The following DLGAP1 variants were observed in gnomAD, a reference collection of about 807,000 sequenced individuals.
DLGAP1 encodes DLG associated protein 1.
A neutral mutation model predicts 90.8 loss-of-function variants in DLGAP1; 11 were observed. The ratio of observed to expected loss-of-function variants is 0.12; its 90% CI spans 0.08 to 0.20. The LOEUF (loss-of-function observed/expected upper bound fraction) is 0.20, where lower values mean the gene tolerates loss of function less well. Ranked by LOEUF, DLGAP1 falls within the 10% of genes least tolerant of loss-of-function variation. DLGAP1 has a pLI of 1.00. For missense variants in DLGAP1, 1,050 were observed against 1,333.8 expected, an observed-to-expected ratio of 0.79 and a Z score of 3.31; for synonymous variants, 558 against 540.7, an observed-to-expected ratio of 1.03 and a Z score of -0.44.
In DLGAP1 at chr18:3,581,926, G is replaced by A. The variant is rs766896879; in HGVS notation, c.1914C>T (p.Asp638=). The A allele has an allele frequency of 6.2e-7, 1 of 1,614,176 alleles. No homozygotes were observed. The highest frequency in any genetic ancestry group is 1.3e-5 in the African/African-American group (1 of 75,038). ...TTTTCTTAAAGTGGTCCTTCTTCCTGTCCTCCGTGGTGACGGTGGCTATGG... is the reference window on the plus strand; with the variant it reads ...TTTTCTTAAAGTGGTCCTTCTTCCTATCCTCCGTGGTGACGGTGGCTATGG... ...TTTIATVTTE[D]RKKDHFKKNR... Residue 638 remains aspartate (D), a synonymous_variant, in exon 8 of 13, where the codon GAC becomes GAT. Coordinates refer to ENST00000315677, the MANE Select transcript of DLGAP1 (RefSeq NM_004746.4).
intron 1 of DLGAP1, chr18:4,248,455 CT>C: frequency 6.6e-6 from 1 of 152,304 alleles, no homozygotes; most frequent in African/African-American, 2.4e-5. Context: ...ACAAATGGCT[CT>C]CTACTTTAAC....
intron 1 of DLGAP1, among the ~76,000 whole-genome samples, chr18:4,289,901 A>G (rs914817366): frequency 6.6e-6 from 1 of 152,166 alleles, no homozygotes. Flanking sequence ...CAATTACAAC[A>G]TTCATGTATT....
intron 1 of DLGAP1, among the ~76,000 whole-genome samples, chr18:4,290,924 G>A (rs1433842279): frequency 6.6e-6 from 1 of 152,118 alleles, no homozygotes; most frequent in Non-Finnish European, 1.5e-5. Context: ...TGTTTTGATA[G>A]TTCTTATTTG....
intron 7 of DLGAP1, among the ~76,000 whole-genome samples, chr18:3,641,253 A>C (rs2058927950): frequency 6.6e-6 from 1 of 151,886 alleles, no homozygotes; most frequent in Non-Finnish European, 1.5e-5. Context: ...ATTCCATTGA[A>C]AATAAGACAA....
chr18:3,583,658 C>T (rs993538737), intron 7 of DLGAP1, among the ~76,000 whole-genome samples: 1 of 152,184 alleles, frequency 6.6e-6, no homozygotes, highest in African/African-American at 2.4e-5. Context: ...AGTCAAGGGC[C>T]TGAATCTGAC....
intron 3 of DLGAP1, among the ~76,000 whole-genome samples, chr18:3,933,853 A>T (rs1194843253): frequency 2.0e-5 from 3 of 152,202 alleles, no homozygotes; most frequent in Non-Finnish European, 4.4e-5. Flanking sequence ...AAAAGTTGGT[A>T]GATTAGTCAA....
chr18:3,988,864 C>T (rs774219356), intron 3 of DLGAP1, among the ~76,000 whole-genome samples: 5 of 152,332 alleles, frequency 3.3e-5, no homozygotes, highest in Admixed American at 1.3e-4. Context: ...GCGGCTGTGG[C>T]GCTGGGTAGC....
chr18:3,804,586 C>T (rs570073906), intron 5 of DLGAP1, among the ~76,000 whole-genome samples: 1 of 152,262 alleles, frequency 6.6e-6, no homozygotes, highest in East Asian at 1.9e-4. Flanking sequence ...TTTCAGAGAA[C>T]CACAGATTCA....
At chr18:3,524,871 C>T (rs1055636955) in intron 10 of DLGAP1, among the ~76,000 whole-genome samples, 1 of 152,208 alleles carries the variant, frequency 6.6e-6, no homozygotes, top group Non-Finnish European at 1.5e-5. Context: ...GCTTCTCAGA[C>T]ACACTTGTGA....
At chr18:4,232,243 T>C (rs369037261) in intron 1 of DLGAP1, among the ~76,000 whole-genome samples, 84 of 152,298 alleles carry the variant, frequency 5.5e-4, no homozygotes, top group Admixed American at 5.0e-3. Context: ...CAAAAAATTA[T>C]GTGATCTCTT....
intron 4 of DLGAP1, among the ~76,000 whole-genome samples, chr18:3,859,642 A>G (rs11874260): frequency 0.13 from 19,447 of 152,100 alleles, 1,298 homozygotes; most frequent in Admixed American, 0.15. Flanking sequence ...ATGAAGGAAG[A>G]GGCCAGGAGT....
intron 10 of DLGAP1, among the ~76,000 whole-genome samples, chr18:3,524,185 G>A (rs2051449791): frequency 6.6e-6 from 1 of 151,964 alleles, no homozygotes; most frequent in African/African-American, 2.4e-5. Flanking sequence ...TGAGGTGGGA[G>A]AACTGATTGA....
intron 1 of DLGAP1, among the ~76,000 whole-genome samples, chr18:4,255,971 A>T (rs1031735964): frequency 6.6e-6 from 1 of 152,158 alleles, no homozygotes; most frequent in African/African-American, 2.4e-5. Context: ...AGTTTCTTTT[A>T]ATACTTATGT....
At chr18:3,779,633 T>C (rs1387859364) in intron 5 of DLGAP1, among the ~76,000 whole-genome samples, 6 of 152,176 alleles carry the variant, frequency 3.9e-5, no homozygotes, top group African/African-American at 1.4e-4. Flanking sequence ...ATATTCTATC[T>C]ATTGTTTAAG....
At chr18:3,893,498 G>A (rs894574084) in intron 3 of DLGAP1, among the ~76,000 whole-genome samples, 1 of 151,832 alleles carries the variant, frequency 6.6e-6, no homozygotes, top group Admixed American at 6.6e-5. Context: ...AGAATCGCTT[G>A]AACCTGGGAG....
chr18:3,533,486 T>C (rs1329658032), intron 10 of DLGAP1, among the ~76,000 whole-genome samples: 1 of 152,212 alleles, frequency 6.6e-6, no homozygotes, highest in African/African-American at 2.4e-5. Flanking sequence ...CTTGTTTTAA[T>C]GCTGTATGTT....
intron 2 of DLGAP1, among the ~76,000 whole-genome samples, chr18:4,094,690 T>C (rs1267128844): frequency 1.4e-5 from 2 of 148,046 alleles, no homozygotes; most frequent in Non-Finnish European, 3.0e-5. Flanking sequence ...CTCTGCCTCC[T>C]GGGTTCAAGG....
chr18:3,982,376 A>G lies in DLGAP1; in HGVS notation c.-73+22740T>C, dbSNP rs116484108. On this transcript the variant is annotated intron_variant, in intron 3 of 12. Transcript: ENST00000315677. ...CCTTCTTCAGATCACCTTTGACTCAATACACACACTTGTGCTCCATGACAC... is the reference window on the plus strand; with the variant it reads ...CCTTCTTCAGATCACCTTTGACTCAGTACACACACTTGTGCTCCATGACAC... Among the ~76,000 whole-genome samples, 815 of 121,738 alleles carry G rather than the reference A, an allele frequency of 6.7e-3. 7 individuals carry two copies. The highest frequency in any genetic ancestry group is 0.024 in the African/African-American group (788 of 32,378). The allele number at this position is 121,738 out of a possible 152,430, so 79.9% of individuals were successfully genotyped here.
intron 2 of DLGAP1, among the ~76,000 whole-genome samples, chr18:4,061,212 A>C (rs2075293267): frequency 6.6e-6 from 1 of 152,238 alleles, no homozygotes; most frequent in Non-Finnish European, 1.5e-5. Context: ...AAATAATTTT[A>C]CATGCAGGGC....
Sources: allele counts gnomAD v4.1 joint callset (sites outside exome capture counted in the v4.1 genomes callset), GRCh38; gene constraint gnomAD v4.1.1; transcripts MANE v1.5; gene names NCBI Gene and HGNC (gene_info 2026-07-23, HGNC 2026-07-21).